Variants in EVI5 observed in about 807,000 individuals in gnomAD.
EVI5 encodes ecotropic viral integration site 5.
Under a neutral mutation model 112.0 loss-of-function variants are expected in EVI5, and 73 were observed. The ratio of observed to expected loss-of-function variants is 0.65; its 90% CI spans 0.54 to 0.79. EVI5 has a LOEUF of 0.79. EVI5 is among the 30% of genes least tolerant of loss of function. The pLI is 0.00. For missense variants in EVI5, 900 were observed against 968.8 expected (o/e 0.93, Z 0.94); for synonymous variants, 305 against 319.9 (o/e 0.95, Z 0.50).
chr1:92,643,425 A>T (rs560895383), intron 13 of EVI5, among the ~76,000 whole-genome samples: 4 of 151,004 alleles, frequency 2.6e-5, no homozygotes, highest in Admixed American at 2.0e-4. Flanking sequence ...ACTTTTAGGC[A>T]TGTGCCACCA....
At chr1:92,597,345 TGAG>T (rs1648141087) in intron 18 of EVI5, among the ~76,000 whole-genome samples, 1 of 152,162 alleles carries the variant, frequency 6.6e-6, no homozygotes, top group Admixed American at 6.5e-5. Context: ...AAAGCATATG[TGAG>T]GATAGCAAAA....
chr1:92,516,992 C>T (rs565285821), intron 19 of EVI5, among the ~76,000 whole-genome samples: 1 of 152,232 alleles, frequency 6.6e-6, no homozygotes, highest in South Asian at 2.1e-4. Flanking sequence ...CTGAGGATCT[C>T]TGTCAAAAAT....
At chr1:92,611,095 A>G (rs974118376) in intron 16 of EVI5, among the ~76,000 whole-genome samples, 3 of 135,844 alleles carry the variant, frequency 2.2e-5, no homozygotes, top group Admixed American at 8.0e-5. Flanking sequence ...CTTAAAGTAT[A>G]ATAAAAAATA....
At chr1:92,716,805 A>T (rs1235564540) in intron 2 of EVI5, among the ~76,000 whole-genome samples, 11 of 149,554 alleles carry the variant, frequency 7.4e-5, no homozygotes, top group Non-Finnish European at 8.9e-5. Flanking sequence ...AAACCATGGC[A>T]TGAGAACTAC....
At chr1:92,571,851 G>C (rs1670367872) in intron 18 of EVI5, among the ~76,000 whole-genome samples, 1 of 152,186 alleles carries the variant, frequency 6.6e-6, no homozygotes, top group African/African-American at 2.4e-5. Context: ...GATAACAACA[G>C]ATTGCCAGTT....
At chr1:92,765,943 G>A (rs1050972907) in intron 1 of EVI5, among the ~76,000 whole-genome samples, 1 of 151,766 alleles carries the variant, frequency 6.6e-6, no homozygotes, top group Admixed American at 6.6e-5. Flanking sequence ...AGCCAGGCAT[G>A]GTGGCATGTG....
intron 16 of EVI5, among the ~76,000 whole-genome samples, chr1:92,609,628 G>A (rs1229820848): frequency 6.6e-6 from 1 of 152,034 alleles, no homozygotes; most frequent in African/African-American, 2.4e-5. Context: ...AAAGTGCTGG[G>A]AGATTACAGG....
chr1:92,699,017 G>C (rs1456770797), intron 5 of EVI5, among the ~76,000 whole-genome samples: 1 of 152,130 alleles, frequency 6.6e-6, no homozygotes, highest in Non-Finnish European at 1.5e-5. Flanking sequence ...CGTTATACCA[G>C]TGTGTTTCAA....
intron 18 of EVI5, among the ~76,000 whole-genome samples, chr1:92,582,132 A>T (rs1030471400): frequency 1.3e-5 from 2 of 152,222 alleles, no homozygotes; most frequent in African/African-American, 4.8e-5. Flanking sequence ...CCTGGGCTAC[A>T]AATATGTACA....
chr1:92,693,713 T>A (rs1452854749), intron 9 of EVI5, 89 bp downstream of exon 9: 3 of 719,644 alleles, frequency 4.2e-6, no homozygotes, highest in Non-Finnish European at 7.2e-6. Flanking sequence ...AAGAAAATAA[T>A]ATAGTTCTAT....
Position 92,513,510 on chromosome 1 carries a change from AATATATATATATATATATAT to A in EVI5, c.*126_*145del, listed in dbSNP as rs200063630. 3,228 of 172,472 alleles carry A rather than the reference AATATATATATATATATATAT, an allele frequency of 0.019. 65 individuals carry two copies. Among genetic ancestry groups the A allele is most frequent in the Admixed American group, 0.026 (316 of 12,094 alleles). 10.7% of individuals were successfully genotyped at this position (172,472 alleles called of 1,614,324 possible). Reference sequence around the variant, plus strand: ...GATAAAAAGGCAGATAAGACTGTAAAATATATATATATATATATATATATATATATATATATATATATATA... The same window carrying A: ...GATAAAAAGGCAGATAAGACTGTAAAATATATATATATATATATATATATA... On this transcript the variant is annotated 3_prime_UTR_variant, in exon 20 of 20. Coordinates refer to ENST00000684568, the MANE Select transcript of EVI5 (RefSeq NM_001350197.2).
At chr1:92,756,355 T>G in intron 1 of EVI5, 1 of 512,808 alleles carries the variant, frequency 2.0e-6, no homozygotes, top group Admixed American at 2.0e-5. Context: ...CAGCCAAATA[T>G]GCAGATTTCC....
Position 92,636,320 on chromosome 1 carries a change from T to A in EVI5, c.1409A>T (p.Asn470Ile). ...CTGTAGCACAAAATCTTCGTTGTAG[T>A]TGGAACTGCATTTATGCTAAAGGTT... ...HQQQWHKCSS[N>I]YNEDFVLQLE... The change falls in exon 14 of 20, where the codon AAC becomes ATC. Residue 470 changes from asparagine to isoleucine, a missense_variant. By Grantham distance (149) the Asn-to-Ile change is moderately radical (BLOSUM62 -3). Transcript: ENST00000684568. 1 of 1,613,788 alleles carries A rather than the reference T, an allele frequency of 6.2e-7. No individual in the cohort carries two copies. Among genetic ancestry groups the A allele is most frequent in the Non-Finnish European group, 8.5e-7 (1 of 1,179,722 alleles).
Position 92,513,678 on chromosome 1 carries a change from T to C in EVI5, c.2459A>G (p.Glu820Gly). ...TGGTCAGACAGTGGTTGAATACGAC[T>C]CTCTTCTTCTCGGGGGCCGCTCCTT... The part of the protein sequence containing the change: ...VQKERPPRRR[E>G]SYSTTV The change falls in exon 20 of 20, where the codon GAG becomes GGG. Residue 820 changes from glutamate to glycine, a missense_variant. Transcript: ENST00000684568. 1 of 1,609,090 alleles carries C rather than the reference T, an allele frequency of 6.2e-7. No individual in the cohort carries two copies.
At chr1:92,671,978 A>C (rs1406096126) in intron 10 of EVI5, among the ~76,000 whole-genome samples, 1 of 151,622 alleles carries the variant, frequency 6.6e-6, no homozygotes, top group African/African-American at 2.4e-5. Flanking sequence ...ATTTGAAAAA[A>C]AAAATTTGTG....
At chr1:92,576,448 TC>T (rs1488772060) in intron 18 of EVI5, among the ~76,000 whole-genome samples, 1 of 152,158 alleles carries the variant, frequency 6.6e-6, no homozygotes. Context: ...AAGAATTCTC[TC>T]CATATTTAAC....
chr1:92,666,973 G>A (rs1355750096), intron 10 of EVI5, among the ~76,000 whole-genome samples: 2 of 152,106 alleles, frequency 1.3e-5, no homozygotes, highest in African/African-American at 4.8e-5. Context: ...TCTAAAAAAT[G>A]CACGTTCATA....
intron 13 of EVI5, among the ~76,000 whole-genome samples, chr1:92,639,282 C>T (rs868152648): frequency 6.6e-6 from 1 of 151,726 alleles, no homozygotes; most frequent in Non-Finnish European, 1.5e-5. Context: ...TTAGAAAGTC[C>T]TCAGTAATCC....
At chr1:92,656,850 A>T (rs916741832) in intron 13 of EVI5, among the ~76,000 whole-genome samples, 3 of 152,208 alleles carry the variant, frequency 2.0e-5, no homozygotes, top group African/African-American at 7.2e-5. Flanking sequence ...AGAAATCCTA[A>T]AAAGACTAAT....
Sources: allele counts gnomAD v4.1 joint callset (sites outside exome capture counted in the v4.1 genomes callset), GRCh38; gene constraint gnomAD v4.1.1; transcripts MANE v1.5; gene names NCBI Gene and HGNC (gene_info 2026-07-23, HGNC 2026-07-21).